The following ANO6 variants were observed in gnomAD, a reference collection of about 807,000 sequenced individuals.
ANO6 encodes anoctamin-6.
Under a neutral mutation model 117.5 loss-of-function variants are expected in ANO6, and 106 were observed. The ratio of observed to expected loss-of-function variants is 0.90; its 90% CI spans 0.77 to 1.06. The LOEUF (loss-of-function observed/expected upper bound fraction) is 1.06, where lower values mean the gene tolerates loss of function less well. Ranked by LOEUF, ANO6 falls within the 50% of genes least tolerant of loss-of-function variation. The pLI is 0.00. For missense variants in ANO6, 955 were observed against 1,121.1 expected, an observed-to-expected ratio of 0.85 and a Z score of 2.12; for synonymous variants, 367 against 385.1, an observed-to-expected ratio of 0.95 and a Z score of 0.55.
At chr12:45,439,861 T>C in exon 20 of ANO6, 1 of 1,534,678 alleles carries the variant, frequency 6.5e-7, no homozygotes, top group South Asian at 1.3e-5. Flanking sequence ...ATCTATTTTC[T>C]TTTCTGTTAC....
At chr12:45,403,558 CATGGGTAA>C (rs1942854445) in intron 15 of ANO6, 22 bp downstream of exon 15, 1 of 1,585,306 alleles carries the variant, frequency 6.3e-7, no homozygotes, top group Non-Finnish European at 8.7e-7. Flanking sequence ...ATTGTATAGC[CATGGGTAA>C]AAGGACAAGG....
chr12:45,242,164 C>T (rs904892355), intron 1 of ANO6, among the ~76,000 whole-genome samples: 44 of 152,214 alleles, frequency 2.9e-4, no homozygotes, highest in African/African-American at 9.4e-4. Flanking sequence ...TCAGCTATGC[C>T]GTGCCCACGA....
At chr12:45,382,695 C>A (rs1012626505) in intron 10 of ANO6, among the ~76,000 whole-genome samples, 3 of 152,158 alleles carry the variant, frequency 2.0e-5, no homozygotes, top group Non-Finnish European at 4.4e-5. Flanking sequence ...ATTTTTGTTT[C>A]TCAGTGCATA....
intron 2 of ANO6, among the ~76,000 whole-genome samples, chr12:45,307,723 G>T (rs533917665): frequency 6.6e-6 from 1 of 152,098 alleles, no homozygotes; most frequent in African/African-American, 2.4e-5. Context: ...TGAGCCCGGG[G>T]GCACCAGTGT....
At chr12:45,276,395 T>C (rs1407288479) in intron 1 of ANO6, among the ~76,000 whole-genome samples, 1 of 152,208 alleles carries the variant, frequency 6.6e-6, no homozygotes, top group Admixed American at 6.5e-5. Context: ...CAGCCTCTCA[T>C]GTCTTCACTG....
intron 1 of ANO6, among the ~76,000 whole-genome samples, chr12:45,222,032 C>T (rs1443362105): frequency 6.6e-6 from 1 of 152,048 alleles, no homozygotes; most frequent in African/African-American, 2.4e-5. Flanking sequence ...CAGGCCCCCG[C>T]CACCACACCC....
At chr12:45,283,409 A>G (rs546156082) in intron 1 of ANO6, among the ~76,000 whole-genome samples, 2 of 152,258 alleles carry the variant, frequency 1.3e-5, no homozygotes, top group African/African-American at 4.8e-5. Context: ...GGGATATGCC[A>G]CCTCTCCCAT....
intron 3 of ANO6, among the ~76,000 whole-genome samples, chr12:45,342,288 A>C (rs1030801674): frequency 3.3e-5 from 5 of 152,200 alleles, no homozygotes; most frequent in African/African-American, 1.2e-4. Flanking sequence ...GACTTGCACT[A>C]TTCAGCATGT....
At chr12:45,352,592 G>A (rs1941308352) in intron 7 of ANO6, among the ~76,000 whole-genome samples, 2 of 143,748 alleles carry the variant, frequency 1.4e-5, no homozygotes, top group African/African-American at 5.1e-5. Flanking sequence ...AGCCAGGCAC[G>A]ATGGCTCTCA....
intron 17 of ANO6, among the ~76,000 whole-genome samples, chr12:45,417,427 G>C (rs1943242971): frequency 6.6e-6 from 1 of 152,104 alleles, no homozygotes; most frequent in Non-Finnish European, 1.5e-5. Flanking sequence ...GAGGAAGGTG[G>C]GTGGGTTTCA....
chr12:45,339,122 A>G (rs930704504), intron 3 of ANO6, among the ~76,000 whole-genome samples: 27 of 152,112 alleles, frequency 1.8e-4, no homozygotes, highest in African/African-American at 6.3e-4. Context: ...AATCATCACA[A>G]AAGAATAGCT....
At chr12:45,399,155 T>C (rs1331148603) in intron 12 of ANO6, among the ~76,000 whole-genome samples, 1 of 152,192 alleles carries the variant, frequency 6.6e-6, no homozygotes, top group Admixed American at 6.5e-5. Flanking sequence ...GCATTTCAGA[T>C]GTCACATCTT....
intron 7 of ANO6, among the ~76,000 whole-genome samples, chr12:45,351,941 G>A (rs1253272786): frequency 6.6e-6 from 1 of 152,116 alleles, no homozygotes; most frequent in African/African-American, 2.4e-5. Context: ...CACTAGGTAG[G>A]AGGCTGTTTG....
At chr12:45,242,124 A>T (rs1431610359) in intron 1 of ANO6, among the ~76,000 whole-genome samples, 1 of 152,212 alleles carries the variant, frequency 6.6e-6, no homozygotes, top group Admixed American at 6.5e-5. Context: ...AGGGATGTTT[A>T]AGTCTGCAGA....
chr12:45,318,447 T>C (rs2137357623), intron 2 of ANO6, among the ~76,000 whole-genome samples: 1 of 152,296 alleles, frequency 6.6e-6, no homozygotes. Flanking sequence ...TGTGTGGTAT[T>C]ATTTCTAAGG....
In ANO6 at chr12:45,216,136, C is replaced by A. The variant is rs879197490; in HGVS notation, c.-186C>A. ...TCGGCAGGCGAGAGGCGTCCTCCGG[C>A]TCTGGGCTCCGGTCGGTGGGTGCCT... is the stretch of plus-strand genomic sequence containing the variant. On this transcript the variant is annotated 5_prime_UTR_variant, in exon 1 of 20. Transcript: ENST00000320560. 2 of 636,526 alleles carry A rather than the reference C, an allele frequency of 3.1e-6. No homozygotes were observed. The highest frequency in any genetic ancestry group is 2.7e-6 in the Non-Finnish European group (1 of 369,498). 39.4% of individuals were successfully genotyped at this position (636,526 alleles called of 1,614,324 possible).
rs560029409 is a variant in ANO6 at position 45,399,130 on chromosome 12, A to G, written c.1387-2665A>G. Among the ~76,000 whole-genome samples, 70 of 152,280 alleles carry G rather than the reference A, an allele frequency of 4.6e-4. 2 individuals are homozygous for G. The South Asian group carries it at 0.014, about 32-fold the overall frequency. Reference sequence around the variant, plus strand: ...GTGGGTCTGGACACTTCCTTGTGGTAGCAGAATGGCTGAAGCATTTCAGAT... The same window carrying G: ...GTGGGTCTGGACACTTCCTTGTGGTGGCAGAATGGCTGAAGCATTTCAGAT... On this transcript the variant is annotated intron_variant, in intron 12 of 19. Coordinates refer to ENST00000320560, the MANE Select transcript of ANO6 (RefSeq NM_001025356.3).
chr12:45,423,117 C>T, intron 19 of ANO6, 55 bp downstream of exon 19: 1 of 1,341,208 alleles, frequency 7.5e-7, no homozygotes, highest in Non-Finnish European at 1.1e-6. Flanking sequence ...GCAGACCTTC[C>T]ATTAAGTGTT....
intron 10 of ANO6, among the ~76,000 whole-genome samples, chr12:45,383,894 A>G (rs766001394): frequency 2.6e-5 from 4 of 152,172 alleles, no homozygotes; most frequent in Non-Finnish European, 5.9e-5. Flanking sequence ...AGCCCCTAAC[A>G]AGAGAGTGAG....
Sources: gnomAD v4.1 joint callset for allele counts (sites outside exome capture counted in the v4.1 genomes callset) on GRCh38, gnomAD v4.1.1 for gene constraint, MANE v1.5 for transcripts, NCBI Gene and HGNC (gene_info 2026-07-23, HGNC 2026-07-21) for gene names.